Variants in NAALADL2 observed in about 807,000 individuals in gnomAD.
NAALADL2 encodes the protein inactive N-acetylated-alpha-linked acidic dipeptidase-like protein 2.
NAALADL2 carries 76 observed loss-of-function variants against 87.2 expected under a neutral mutation model. The observed-to-expected ratio is 0.87, with a 90% confidence interval of 0.72 to 1.05. The LOEUF is 1.05. Among genes scored for constraint, NAALADL2 ranks in the 50% least tolerant of loss-of-function variants. NAALADL2 has a pLI of 0.00. For missense variants in NAALADL2, 1,089 were observed against 945.8 expected, an observed-to-expected ratio of 1.15 and a Z score of -1.99; for synonymous variants, 354 against 331.0, an observed-to-expected ratio of 1.07 and a Z score of -0.75.
rs1338984272 is a variant in NAALADL2, at chr3:174,453,512, C to A, written c.-184+12480C>A. 2.6e-5 allele frequency among the ~76,000 whole-genome samples: 4 copies of A among 152,114 alleles called. No individual in the cohort carries two copies. The East Asian group carries it at 7.7e-4, about 29-fold the overall frequency. The stretch of plus-strand genomic sequence containing the variant: ...ATGAAAGAAAAAGTGTTAAAGGCAG[C>A]TAGAGAGAAAGGTCAGGTCACCCAA... On this transcript the variant is annotated intron_variant, in intron 1 of 3. Transcript: ENST00000434257.
At position 175,657,747 on chromosome 3, in the gene NAALADL2, A is replaced by AT. The variant is rs144337457; in HGVS notation, c.1896+30368dup. 4.2e-4 allele frequency among the ~76,000 whole-genome samples: 63 copies of AT among 151,422 alleles called. 1 individual carries two copies. The South Asian group carries it at 0.012, about 29-fold the overall frequency. On this transcript the variant is annotated intron_variant, in intron 11 of 13. Transcript: ENST00000454872. ...AGGTGCCCGCCAACACGCCCGGCTA[A>AT]TTTTTTTGTATTTTTAGTAGAGATG...
At chr3:174,946,155 T>C (rs1579662231) in intron 1 of NAALADL2, among the ~76,000 whole-genome samples, 2 of 152,024 alleles carry the variant, frequency 1.3e-5, no homozygotes, top group African/African-American at 4.8e-5. Context: ...CTCCAATTCT[T>C]GCCAAGTTTC....
chr3:175,619,714 A>G (rs570957315), intron 10 of NAALADL2, among the ~76,000 whole-genome samples: 1 of 152,292 alleles, frequency 6.6e-6, no homozygotes, highest in Non-Finnish European at 1.5e-5. Context: ...TTAACATTGT[A>G]TATAAGAACA....
chr3:175,080,768 T>C (rs1717643050), intron 1 of NAALADL2, among the ~76,000 whole-genome samples: 1 of 152,232 alleles, frequency 6.6e-6, no homozygotes, highest in Admixed American at 6.5e-5. Context: ...TTTGGTCCAG[T>C]GCCTAGTAAA....
chr3:174,442,836 G>A (rs529786586), intron 1 of NAALADL2, among the ~76,000 whole-genome samples: 20 of 152,270 alleles, frequency 1.3e-4, no homozygotes, highest in African/African-American at 4.8e-4. Context: ...GGATTTTACC[G>A]GAAGTCCTCT....
Position 175,052,021 on chromosome 3 carries a change from G to A in NAALADL2, c.44-44769G>A, listed in dbSNP as rs565349410. 3.3e-5 allele frequency among the ~76,000 whole-genome samples: 5 copies of A among 152,340 alleles called. No individual in the cohort carries two copies. In the East Asian group the frequency reaches 9.6e-4, roughly 29 times the overall value. On this transcript the variant is annotated intron_variant, in intron 1 of 13. Transcript: ENST00000454872. ...AGTCAGGGGTCTCGCAACCTTCAGA[G>A]CTGAGAGCTTCCAACAGAGATTTAC...
chr3:174,611,888 C>A (rs944771479), intron 2 of NAALADL2, among the ~76,000 whole-genome samples: 1 of 152,000 alleles, frequency 6.6e-6, no homozygotes, highest in African/African-American at 2.4e-5. Context: ...AGCCACTGCA[C>A]CTGAGCAGAT....
At chr3:174,735,047 C>T (rs375708375) in intron 2 of NAALADL2, among the ~76,000 whole-genome samples, 10 of 151,832 alleles carry the variant, frequency 6.6e-5, no homozygotes, top group East Asian at 1.9e-4. Context: ...TAAGTAATTT[C>T]GAAAGGAGAA....
chr3:174,838,329 A>G (rs1431438947), intron 3 of NAALADL2, among the ~76,000 whole-genome samples: 1 of 152,150 alleles, frequency 6.6e-6, no homozygotes, highest in African/African-American at 2.4e-5. Flanking sequence ...AAATTGGCAT[A>G]CAAGGGGCAT....
In NAALADL2 at chr3:175,070,333, G is replaced by A. The variant is rs551659633; in HGVS notation, c.44-26457G>A. Among the ~76,000 whole-genome samples, 5 of 151,564 alleles carry A rather than the reference G, an allele frequency of 3.3e-5. No individual in the cohort carries two copies. The South Asian group carries it at 8.3e-4, about 25-fold the overall frequency. On this transcript the variant is annotated intron_variant, in intron 1 of 13. Coordinates refer to ENST00000454872, the MANE Select transcript of NAALADL2 (RefSeq NM_207015.3). Reference sequence around the variant, plus strand: ...GAATTATTAGACCTTGTGGTGATTCGGTGAAATAAGGAATTGTAAAACACT... The same window carrying A: ...GAATTATTAGACCTTGTGGTGATTCAGTGAAATAAGGAATTGTAAAACACT...
chr3:174,848,468 G>A (rs1171759927), intron 3 of NAALADL2, among the ~76,000 whole-genome samples: 1 of 152,112 alleles, frequency 6.6e-6, no homozygotes, highest in Non-Finnish European at 1.5e-5. Context: ...AACATGAATA[G>A]GTGATGTGGT....
At chr3:175,438,490 A>T (rs1156264442) in intron 5 of NAALADL2, among the ~76,000 whole-genome samples, 1 of 152,108 alleles carries the variant, frequency 6.6e-6, no homozygotes, top group South Asian at 2.1e-4. Flanking sequence ...TTCCAGGATA[A>T]CATCACTGGT....
intron 2 of NAALADL2, among the ~76,000 whole-genome samples, chr3:175,165,888 C>T (rs1475312813): frequency 6.6e-6 from 1 of 151,998 alleles, no homozygotes; most frequent in Non-Finnish European, 1.5e-5. Flanking sequence ...GATCCACCCT[C>T]TTCCTCTTAT....
chr3:175,650,074 A>AC (rs1553940943), intron 11 of NAALADL2, among the ~76,000 whole-genome samples: 3 of 150,794 alleles, frequency 2.0e-5, no homozygotes, highest in African/African-American at 7.3e-5. Context: ...AAAAAAAAAA[A>AC]CCCTCAGATT....
chr3:174,935,040 C>T (rs533363394), intron 1 of NAALADL2, among the ~76,000 whole-genome samples: 29 of 152,060 alleles, frequency 1.9e-4, no homozygotes, highest in African/African-American at 6.3e-4. Context: ...CTCACTTTTC[C>T]ATTTCTAGGG....
intron 2 of NAALADL2, among the ~76,000 whole-genome samples, chr3:174,711,876 T>C (rs530363872): frequency 3.3e-5 from 5 of 152,348 alleles, no homozygotes; most frequent in African/African-American, 1.2e-4. Flanking sequence ...CTCAGCTCAC[T>C]GTAACCTCTG....
intron 1 of NAALADL2, among the ~76,000 whole-genome samples, chr3:174,942,871 T>G (rs979955238): frequency 3.9e-5 from 6 of 152,252 alleles, no homozygotes; most frequent in Non-Finnish European, 8.8e-5. Flanking sequence ...ATTTTGTCAT[T>G]AAGCTTTATC....
chr3:175,396,169 T>C (rs992308114), intron 5 of NAALADL2, among the ~76,000 whole-genome samples: 1 of 152,144 alleles, frequency 6.6e-6, no homozygotes, highest in East Asian at 1.9e-4. Flanking sequence ...ATATATAGTA[T>C]GAAAGATGAA....
At chr3:174,816,730 TA>T (rs1440428254) in intron 3 of NAALADL2, among the ~76,000 whole-genome samples, 1 of 152,096 alleles carries the variant, frequency 6.6e-6, no homozygotes, top group Non-Finnish European at 1.5e-5. Context: ...TCTTAACTAC[TA>T]TTTATTAAGT....
Sources: allele counts gnomAD v4.1 joint callset (sites outside exome capture counted in the v4.1 genomes callset), GRCh38; gene constraint gnomAD v4.1.1; transcripts MANE v1.5; gene names NCBI Gene and HGNC (gene_info 2026-07-23, HGNC 2026-07-21).